GRIK2: variants seen among roughly 807,000 people sequenced by gnomAD.
GRIK2 encodes glutamate ionotropic receptor kainate type subunit 2.
Under a neutral mutation model 100.3 loss-of-function variants are expected in GRIK2, and 32 were observed. That is an observed-to-expected ratio of 0.32 (90% CI 0.24 to 0.43). GRIK2 has a LOEUF of 0.43. GRIK2 is among the 20% of genes least tolerant of loss of function. The pLI is 1.00. For synonymous variants in GRIK2, 417 were observed against 389.4 expected (o/e 1.07, Z -0.83); for missense variants, 843 against 1,114.9 (o/e 0.76, Z 3.47).
In GRIK2 at chr6:102,069,832, A is replaced by G. The variant is rs1274354375; in HGVS notation, c.*1321A>G. 6.6e-6 allele frequency: 1 copy of G among 152,006 alleles called. No homozygotes were observed. Among genetic ancestry groups the G allele is most frequent in the Non-Finnish European group, 1.5e-5 (1 of 67,988 alleles). 9.4% of individuals were successfully genotyped at this position (152,006 alleles called of 1,614,324 possible). A position where few individuals can be genotyped will look rare whatever the true frequency, so the allele number is the denominator to read the frequency against. ...AAACTATTTTTATCAAGAAAAAAGG[A>G]ATCATAGAAGAGAAATATTTTCAAG... On this transcript the variant is annotated 3_prime_UTR_variant, in exon 17 of 17. Coordinates refer to ENST00000369134, the MANE Select transcript of GRIK2 (RefSeq NM_021956.5).
At chr6:101,684,843 G>C (rs2248288) in intron 6 of GRIK2, among the ~76,000 whole-genome samples, 148,149 of 152,024 alleles carry the variant, frequency 0.97, 72,211 homozygotes, top group East Asian at 1. Context: ...CCAAATTGTT[G>C]AGATTCTTCT....
At chr6:101,515,629 C>T (rs1169344440) in intron 2 of GRIK2, among the ~76,000 whole-genome samples, 1 of 152,052 alleles carries the variant, frequency 6.6e-6, no homozygotes, top group Non-Finnish European at 1.5e-5. Flanking sequence ...AAGGTGGTAT[C>T]CCATTGTGGC....
At chr6:101,474,359 C>T (rs1011395146) in intron 2 of GRIK2, among the ~76,000 whole-genome samples, 2 of 151,772 alleles carry the variant, frequency 1.3e-5, no homozygotes, top group African/African-American at 4.8e-5. Flanking sequence ...TTAAACTGCA[C>T]AGAGTATTTA....
intron 14 of GRIK2, among the ~76,000 whole-genome samples, chr6:101,986,315 T>A (rs1336561916): frequency 1.3e-5 from 2 of 151,916 alleles, no homozygotes; most frequent in Non-Finnish European, 2.9e-5. Context: ...TTCTTTTAAT[T>A]TTACATTCAT....
At chr6:101,830,883 T>C (rs1782634713) in intron 10 of GRIK2, among the ~76,000 whole-genome samples, 1 of 151,876 alleles carries the variant, frequency 6.6e-6, no homozygotes, top group Non-Finnish European at 1.5e-5. Context: ...CCAAATACTG[T>C]ATGTTCTCAC....
intron 7 of GRIK2, among the ~76,000 whole-genome samples, chr6:101,721,306 A>T (rs188221032): frequency 9.6e-4 from 146 of 152,082 alleles, no homozygotes; most frequent in African/African-American, 3.3e-3. Flanking sequence ...TGCAATCCCA[A>T]CATTTTGGGA....
At chr6:101,976,471 A>G (rs773790551) in intron 14 of GRIK2, among the ~76,000 whole-genome samples, 15 of 151,858 alleles carry the variant, frequency 9.9e-5, no homozygotes, top group Non-Finnish European at 1.9e-4. Flanking sequence ...CTGAGGAGAG[A>G]AGATCACTTG....
At chr6:101,790,155 A>G (rs975359112) in intron 7 of GRIK2, among the ~76,000 whole-genome samples, 9 of 152,228 alleles carry the variant, frequency 5.9e-5, no homozygotes, top group Non-Finnish European at 1.3e-4. Flanking sequence ...TCTGCAAACA[A>G]GGACAATTTG....
intron 14 of GRIK2, among the ~76,000 whole-genome samples, chr6:101,951,863 T>A (rs1187047425): frequency 6.6e-6 from 1 of 152,234 alleles, no homozygotes; most frequent in African/African-American, 2.4e-5. Context: ...TCTTTTTCTT[T>A]ACACCCAGTC....
intron 10 of GRIK2, among the ~76,000 whole-genome samples, chr6:101,834,942 C>A (rs1182974018): frequency 6.6e-6 from 1 of 152,056 alleles, no homozygotes; most frequent in Non-Finnish European, 1.5e-5. Context: ...GAGATCAAGG[C>A]TAGTGAGCCA....
intron 11 of GRIK2, among the ~76,000 whole-genome samples, chr6:101,883,040 C>G (rs1340539285): frequency 1.3e-5 from 2 of 151,726 alleles, no homozygotes; most frequent in East Asian, 3.9e-4. Context: ...TTTATATGAT[C>G]CCAGTATTAA....
At chr6:101,394,759 G>A (rs910392495) in intron 1 of GRIK2, among the ~76,000 whole-genome samples, 1 of 152,156 alleles carries the variant, frequency 6.6e-6, no homozygotes, top group Non-Finnish European at 1.5e-5. Flanking sequence ...ACTTTATAGA[G>A]TCTATTCCTG....
chr6:102,012,407 A>G (rs536174846), intron 14 of GRIK2, among the ~76,000 whole-genome samples: 1 of 152,198 alleles, frequency 6.6e-6, no homozygotes, highest in South Asian at 2.1e-4. Flanking sequence ...TTTGGTTAGA[A>G]TTGTGTTGAC....
intron 11 of GRIK2, among the ~76,000 whole-genome samples, chr6:101,877,238 G>T (rs545464284): frequency 1.4e-4 from 21 of 151,964 alleles, no homozygotes; most frequent in Non-Finnish European, 2.4e-4. Context: ...CATACAGTTG[G>T]CCAGTTGGCC....
intron 2 of GRIK2, among the ~76,000 whole-genome samples, chr6:101,480,598 G>T (rs1562168011): frequency 6.6e-6 from 1 of 152,056 alleles, no homozygotes; most frequent in African/African-American, 2.4e-5. Flanking sequence ...CCCAGACAAA[G>T]AAAATTTCCT....
At chr6:101,746,407 A>C (rs938928939) in intron 7 of GRIK2, among the ~76,000 whole-genome samples, 35 of 152,106 alleles carry the variant, frequency 2.3e-4, no homozygotes, top group African/African-American at 8.2e-4. Flanking sequence ...GCTCACTGCA[A>C]CCTCTGCCTC....
intron 12 of GRIK2, among the ~76,000 whole-genome samples, chr6:101,904,688 C>G (rs1788105695): frequency 6.6e-6 from 1 of 151,546 alleles, no homozygotes; most frequent in African/African-American, 2.4e-5. Flanking sequence ...TTAATACTGT[C>G]AAATCATAAT....
chr6:101,716,421 T>C (rs1774071917), intron 7 of GRIK2, among the ~76,000 whole-genome samples: 1 of 151,528 alleles, frequency 6.6e-6, no homozygotes, highest in South Asian at 2.1e-4. Context: ...TTTAGTCTTG[T>C]TTAAATTTCC....
chr6:101,620,176 G>A (rs375942082), intron 2 of GRIK2: 22 of 762,726 alleles, frequency 2.9e-5, no homozygotes, highest in Middle Eastern at 1.3e-3. Flanking sequence ...TGTTAAACCC[G>A]GTCTAGCTCC....
Sources: gnomAD v4.1 joint callset for allele counts (sites outside exome capture counted in the v4.1 genomes callset) on GRCh38, gnomAD v4.1.1 for gene constraint, MANE v1.5 for transcripts, NCBI Gene and HGNC (gene_info 2026-07-23, HGNC 2026-07-21) for gene names.